The following DCBLD1 variants were observed in gnomAD, a reference collection of about 807,000 sequenced individuals.
The protein encoded by DCBLD1 is discoidin, CUB and LCCL domain containing 1, also known as discoidin, CUB and LCCL domain-containing protein 1.
Under a neutral mutation model 71.5 loss-of-function variants are expected in DCBLD1, and 57 were observed. The ratio of observed to expected loss-of-function variants is 0.80; its 90% CI spans 0.64 to 0.99. The LOEUF is 0.99. DCBLD1 is among the 50% of genes least tolerant of loss of function. DCBLD1 has a pLI of 0.00. For synonymous variants in DCBLD1, 380 were observed against 363.8 expected (o/e 1.04, Z -0.51); for missense variants, 891 against 923.5 (o/e 0.96, Z 0.46).
intron 3 of DCBLD1, among the ~76,000 whole-genome samples, chr6:117,520,994 GGTT>G (rs1562447308): frequency 6.6e-6 from 1 of 152,184 alleles, no homozygotes; most frequent in African/African-American, 2.4e-5. Flanking sequence ...ATATTAGTTT[GGTT>G]CTGTAAATTA....
intron 1 of DCBLD1, chr6:117,494,786 G>A (rs1037411594): frequency 3.3e-5 from 5 of 152,054 alleles, no homozygotes; most frequent in Non-Finnish European, 5.9e-5. Flanking sequence ...ACTTCTCCAC[G>A]TAAGATCTTC....
At position 117,537,204 on chromosome 6, in the gene DCBLD1, C is replaced by G; in HGVS notation, c.739C>G (p.Arg247Gly). 6.2e-7 allele frequency: 1 copy of G among 1,613,956 alleles called. No homozygotes were observed. Among genetic ancestry groups the G allele is most frequent in the South Asian group, 1.1e-5 (1 of 91,070 alleles). Residue 247 changes from arginine (R) to glycine (G), a missense_variant, in exon 7 of 15, where the codon CGA becomes GGA. Coordinates refer to ENST00000338728, the MANE Select transcript of DCBLD1 (RefSeq NM_001366458.2). ...LSRDGSLSDK[R>G]FLFTSNGCSR... ...TTTCAGTGGTTCCCTGTCAGACAAG[C>G]GATTTCTGTTTACCTCCAATGGTAA...
intron 13 of DCBLD1, among the ~76,000 whole-genome samples, chr6:117,544,780 A>G (rs1266848659): frequency 1.3e-5 from 2 of 151,814 alleles, no homozygotes; most frequent in Non-Finnish European, 1.5e-5. Flanking sequence ...CTTTTGTTCA[A>G]TGTCATCCCC....
At chr6:117,494,027 A>G (rs1323684438) in intron 1 of DCBLD1, among the ~76,000 whole-genome samples, 1 of 152,176 alleles carries the variant, frequency 6.6e-6, no homozygotes, top group South Asian at 2.1e-4. Context: ...TCATTATCAG[A>G]TATGGTTGTC....
chr6:117,522,547 T>A (rs1176729960), intron 4 of DCBLD1, among the ~76,000 whole-genome samples: 1 of 152,174 alleles, frequency 6.6e-6, no homozygotes, highest in Non-Finnish European at 1.5e-5. Context: ...GCTCAAAGTA[T>A]GCTCCTGCCT....
intron 14 of DCBLD1, among the ~76,000 whole-genome samples, chr6:117,546,674 C>A (rs9320609): frequency 0.59 from 90,149 of 151,744 alleles, 26,990 homozygotes; most frequent in South Asian, 0.74. Flanking sequence ...GTGCAATGAC[C>A]CGGGTTCTGT....
Position 117,540,810 on chromosome 6 carries a change from C to T in DCBLD1, c.1244C>T (p.Thr415Ile), listed in dbSNP as rs771667653. Residue 415 changes from threonine (T) to isoleucine (I), a missense_variant, in exon 10 of 15, where the codon ACA becomes ATA. Coordinates refer to ENST00000338728, the MANE Select transcript of DCBLD1 (RefSeq NM_001366458.2). The part of the protein sequence containing the change: ...LKVELIGCQI[T>I]QGNDSLVWRK... ...GTGGAGCTCATTGGTTGCCAGATTACACAAGGTAGGGCTCAGGGCAAGCCA... is the reference window on the plus strand; with the variant it reads ...GTGGAGCTCATTGGTTGCCAGATTATACAAGGTAGGGCTCAGGGCAAGCCA... The T allele has an allele frequency of 3.7e-6, 6 of 1,614,084 alleles. No individual in the cohort carries two copies. The South Asian group carries it at 5.5e-5, about 15-fold the overall frequency.
At chr6:117,563,982 TC>T (rs1281628953) in intron 14 of DCBLD1, among the ~76,000 whole-genome samples, 1 of 151,422 alleles carries the variant, frequency 6.6e-6, no homozygotes, top group Non-Finnish European at 1.5e-5. Flanking sequence ...TTTTTTTTTT[TC>T]TTTTTTTTTT....
At chr6:117,533,821 C>G (rs937521513) in intron 6 of DCBLD1, among the ~76,000 whole-genome samples, 1 of 152,138 alleles carries the variant, frequency 6.6e-6, no homozygotes, top group Non-Finnish European at 1.5e-5. Flanking sequence ...ATGCTCACGG[C>G]CAGGAGGCTG....
intron 14 of DCBLD1, chr6:117,563,433 T>A: frequency 6.2e-7 from 1 of 1,602,164 alleles, no homozygotes; most frequent in Non-Finnish European, 8.5e-7. Flanking sequence ...TTTAAAAAGT[T>A]GGTTTTGGTC....
At chr6:117,485,606 G>A (rs1357268965) in intron 1 of DCBLD1, among the ~76,000 whole-genome samples, 2 of 152,170 alleles carry the variant, frequency 1.3e-5, no homozygotes, top group African/African-American at 4.8e-5. Context: ...AGATCCTGAG[G>A]GCAGAGACTG....
chr6:117,519,988 T>C (rs779346188), intron 3 of DCBLD1, 38 bp downstream of exon 3: 77 of 1,606,988 alleles, frequency 4.8e-5, no homozygotes, highest in Non-Finnish European at 6.4e-5. Context: ...CTAAATGTTA[T>C]CTGTCTAAGA....
chr6:117,492,718 A>G (rs1270369687), intron 1 of DCBLD1, among the ~76,000 whole-genome samples: 1 of 152,190 alleles, frequency 6.6e-6, no homozygotes, highest in African/African-American at 2.4e-5. Context: ...CTGGACTATG[A>G]TATGAGTTTT....
intron 14 of DCBLD1, among the ~76,000 whole-genome samples, chr6:117,560,039 A>ACTT (rs1779553071): frequency 6.6e-6 from 1 of 152,250 alleles, no homozygotes; most frequent in Non-Finnish European, 1.5e-5. Flanking sequence ...TTTACATATA[A>ACTT]CTTAGGAACT....
chr6:117,500,001 A>G (rs1469199670), intron 1 of DCBLD1, among the ~76,000 whole-genome samples: 2 of 152,196 alleles, frequency 1.3e-5, no homozygotes, highest in Non-Finnish European at 2.9e-5. Context: ...CTAGGCAACA[A>G]AAGCGAAAGT....
chr6:117,555,296 A>G (rs946172706), intron 14 of DCBLD1, among the ~76,000 whole-genome samples: 3 of 151,674 alleles, frequency 2.0e-5, no homozygotes, highest in Non-Finnish European at 4.4e-5. Context: ...TGTTTTGTAT[A>G]TTTGCATTTA....
At chr6:117,513,475 G>A (rs1321347048) in intron 2 of DCBLD1, among the ~76,000 whole-genome samples, 9 of 152,190 alleles carry the variant, frequency 5.9e-5, no homozygotes, top group Admixed American at 5.9e-4. Context: ...AGGGCCGCCA[G>A]TTACATTCCA....
At chr6:117,524,744 A>G (rs768800569) in intron 4 of DCBLD1, among the ~76,000 whole-genome samples, 2 of 152,210 alleles carry the variant, frequency 1.3e-5, no homozygotes, top group African/African-American at 4.8e-5. Flanking sequence ...TTTAGAAATG[A>G]TAAAATTTGA....
intron 5 of DCBLD1, among the ~76,000 whole-genome samples, chr6:117,526,639 G>A (rs943872827): frequency 3.9e-5 from 6 of 152,124 alleles, no homozygotes; most frequent in African/African-American, 1.4e-4. Flanking sequence ...TGGCAAACAG[G>A]TTTCCTATTT....
Sources: allele counts gnomAD v4.1 joint callset (sites outside exome capture counted in the v4.1 genomes callset), GRCh38; gene constraint gnomAD v4.1.1; transcripts MANE v1.5; gene names NCBI Gene and HGNC (gene_info 2026-07-23, HGNC 2026-07-21).